SLC14A2: variants seen among roughly 807,000 people sequenced by gnomAD.
SLC14A2 encodes solute carrier family 14 member 2.
SLC14A2 carries 91 observed loss-of-function variants against 104.6 expected under a neutral mutation model. The observed-to-expected ratio is 0.87, with a 90% confidence interval of 0.73 to 1.04. SLC14A2 has a LOEUF of 1.04. Among genes scored for constraint, SLC14A2 ranks in the 50% least tolerant of loss-of-function variants. SLC14A2 has a pLI of 0.00. For missense variants in SLC14A2, 1,189 were observed against 1,156.0 expected (o/e 1.03, Z -0.41); for synonymous variants, 476 against 466.4 (o/e 1.02, Z -0.27).
chr18:45,652,058 C>T (rs1273842331), intron 10 of SLC14A2, among the ~76,000 whole-genome samples: 3 of 152,194 alleles, frequency 2.0e-5, no homozygotes, highest in Non-Finnish European at 1.5e-5. Context: ...GTGCAAACAT[C>T]GTGGAACATT....
intron 10 of SLC14A2, among the ~76,000 whole-genome samples, chr18:45,644,676 A>G (rs1195079218): frequency 6.6e-6 from 1 of 152,140 alleles, no homozygotes; most frequent in East Asian, 1.9e-4. Context: ...AAGTCAAAAC[A>G]GGGACGATTG....
Position 45,639,803 on chromosome 18 carries a change from A to C in SLC14A2, c.901A>C (p.Thr301Pro). 1 of 1,614,002 alleles carries C rather than the reference A, an allele frequency of 6.2e-7. No homozygotes were observed. Among genetic ancestry groups the C allele is most frequent in the Non-Finnish European group, 8.5e-7 (1 of 1,180,002 alleles). Residue 301 changes from threonine to proline, a missense_variant, in exon 7 of 20, where the codon ACA (threonine) becomes CCA (proline). Physicochemically the swap from Thr to Pro is conservative, Grantham distance 38. Coordinates refer to ENST00000255226, the MANE Select transcript of SLC14A2 (RefSeq NM_007163.4). ...GQVYGCDNPW[T>P]GGVFLVALFI... ...GGTGTATGGCTGTGACAATCCCTGG[A>C]CAGGCGGCGTGTTCCTGGTGGCTCT...
intron 19 of SLC14A2, among the ~76,000 whole-genome samples, chr18:45,680,231 G>A (rs1234836350): frequency 3.3e-5 from 5 of 152,182 alleles, no homozygotes; most frequent in Admixed American, 2.0e-4. Context: ...CGTGCCATGT[G>A]CCTTCCTTGA....
rs539436541 is a variant in SLC14A2, at chr18:45,223,937, C to T, written c.-125+10746C>T. Among the ~76,000 whole-genome samples the T allele has an allele frequency of 8.5e-5, 13 of 152,334 alleles. No individual in the cohort carries two copies. The South Asian group carries it at 2.7e-3, about 32-fold the overall frequency. On this transcript the variant is annotated intron_variant, in intron 1 of 20. Transcript: ENST00000586448. ...ATACAAATTGCTATTATGTCAGCTT[C>T]TGAGAAGCCACTTCAATCCATTTGG...
chr18:45,566,546 C>G (rs1178863185), intron 2 of SLC14A2, among the ~76,000 whole-genome samples: 1 of 138,216 alleles, frequency 7.2e-6, no homozygotes, highest in African/African-American at 2.6e-5. Context: ...CACACACACA[C>G]AGTGTCCACA....
intron 2 of SLC14A2, among the ~76,000 whole-genome samples, chr18:45,508,389 A>T (rs2043315502): frequency 6.6e-6 from 1 of 152,190 alleles, no homozygotes; most frequent in Non-Finnish European, 1.5e-5. Context: ...TGTGATAGTG[A>T]ATAAGTCTCA....
At chr18:45,528,184 G>GT (rs2043625907) in intron 2 of SLC14A2, 1 of 9,942 alleles carries the variant, frequency 1.0e-4, no homozygotes, top group Non-Finnish European at 2.7e-4. Context: ...TGTGTGTGCG[G>GT]GGGGGGGGGG....
intron 1 of SLC14A2, among the ~76,000 whole-genome samples, chr18:45,434,137 A>T: frequency 6.6e-6 from 1 of 151,966 alleles, no homozygotes; most frequent in Non-Finnish European, 1.5e-5. Context: ...ACATCCCCCT[A>T]CCCTTAACTG....
chr18:45,603,003 G>T (rs1209052492), intron 2 of SLC14A2, among the ~76,000 whole-genome samples: 3 of 152,188 alleles, frequency 2.0e-5, no homozygotes, highest in Non-Finnish European at 2.9e-5. Flanking sequence ...CTGACTGATA[G>T]ATTCTATCAA....
intron 1 of SLC14A2, among the ~76,000 whole-genome samples, chr18:45,421,794 G>A (rs1263747616): frequency 1.3e-5 from 2 of 152,182 alleles, no homozygotes; most frequent in Non-Finnish European, 2.9e-5. Context: ...GAATGCCTAA[G>A]AGTTAATTAT....
intron 1 of SLC14A2, among the ~76,000 whole-genome samples, chr18:45,431,211 C>T (rs2086509744): frequency 6.6e-6 from 1 of 152,120 alleles, no homozygotes; most frequent in South Asian, 2.1e-4. Context: ...ACTCTCTTCT[C>T]AAGGGATTTC....
intron 1 of SLC14A2, among the ~76,000 whole-genome samples, chr18:45,254,978 T>C (rs1051708198): frequency 4.6e-5 from 7 of 152,210 alleles, no homozygotes; most frequent in Non-Finnish European, 1.0e-4. Flanking sequence ...CCTGGCCTTC[T>C]GCATTAGTAA....
intron 2 of SLC14A2, among the ~76,000 whole-genome samples, chr18:45,499,131 C>T (rs557163723): frequency 2.6e-5 from 4 of 152,264 alleles, no homozygotes; most frequent in South Asian, 2.1e-4. Flanking sequence ...GGAGAAGAGA[C>T]GAGAATCACC....
At chr18:45,422,387 C>T (rs182000683) in intron 1 of SLC14A2, among the ~76,000 whole-genome samples, 2 of 152,070 alleles carry the variant, frequency 1.3e-5, no homozygotes, top group South Asian at 2.1e-4. Flanking sequence ...AGAAGAGAGG[C>T]AAATTTGAGT....
chr18:45,539,848 A>G (rs943198795), intron 2 of SLC14A2, among the ~76,000 whole-genome samples: 1 of 151,936 alleles, frequency 6.6e-6, no homozygotes, highest in Non-Finnish European at 1.5e-5. Context: ...TAAAAACTTC[A>G]GAGCTACCCA....
intron 1 of SLC14A2, among the ~76,000 whole-genome samples, chr18:45,474,610 G>T (rs1166399218): frequency 6.6e-6 from 1 of 152,168 alleles, no homozygotes; most frequent in Non-Finnish European, 1.5e-5. Context: ...TCTTGGGAGG[G>T]TGTATGTGTC....
At chr18:45,602,279 G>A (rs2044801980) in intron 2 of SLC14A2, among the ~76,000 whole-genome samples, 1 of 152,192 alleles carries the variant, frequency 6.6e-6, no homozygotes, top group South Asian at 2.1e-4. Context: ...CATCTCTCTT[G>A]GAGAGGGTTA....
intron 1 of SLC14A2, among the ~76,000 whole-genome samples, chr18:45,302,921 A>G (rs534602013): frequency 6.6e-6 from 1 of 152,352 alleles, no homozygotes; most frequent in South Asian, 2.1e-4. Context: ...TGTAGCAGGC[A>G]GTGCTGGGTA....
At chr18:45,303,903 C>T (rs111959257) in intron 1 of SLC14A2, among the ~76,000 whole-genome samples, 109 of 152,316 alleles carry the variant, frequency 7.2e-4, no homozygotes, top group African/African-American at 2.6e-3. Context: ...ACTGCTCCTC[C>T]AGCATCTAGC....
Sources: gnomAD v4.1 joint callset for allele counts (sites outside exome capture counted in the v4.1 genomes callset) on GRCh38, gnomAD v4.1.1 for gene constraint, MANE v1.5 for transcripts, NCBI Gene and HGNC (gene_info 2026-07-23, HGNC 2026-07-21) for gene names.